Variants in ERN1 observed in about 807,000 individuals in gnomAD.
The protein encoded by ERN1 is endoplasmic reticulum to nucleus signaling 1.
A neutral mutation model predicts 113.1 loss-of-function variants in ERN1; 39 were observed. The ratio of observed to expected loss-of-function variants is 0.34; its 90% CI spans 0.27 to 0.45. The LOEUF (loss-of-function observed/expected upper bound fraction) is 0.45, where lower values mean the gene tolerates loss of function less well. ERN1 is among the 20% of genes least tolerant of loss of function. The probability of loss-of-function intolerance (pLI) is 1.00; values close to 1 mark genes in which losing one functional copy is unlikely to be tolerated. For synonymous variants in ERN1, 507 were observed against 515.9 expected, an observed-to-expected ratio of 0.98 and a Z score of 0.23; for missense variants, 976 against 1,274.8, an observed-to-expected ratio of 0.77 and a Z score of 3.57.
rs192692937 is a variant in ERN1, at chr17:64,077,966, C to T, written c.282+1696G>A. Among the ~76,000 whole-genome samples the T allele has an allele frequency of 2.3e-4, 35 of 152,214 alleles. 1 individual carries two copies. Among genetic ancestry groups the T allele is most frequent in the Admixed American group, 2.0e-4 (3 of 15,296 alleles). ...TTCACCATGGTCTCGATCTCCTGACCTCGTGATCCGCCCACCTTGGCCTCC... is the reference window on the plus strand; with the variant it reads ...TTCACCATGGTCTCGATCTCCTGACTTCGTGATCCGCCCACCTTGGCCTCC... On this transcript the variant is annotated intron_variant, in intron 4 of 21. Coordinates refer to ENST00000433197, the MANE Select transcript of ERN1 (RefSeq NM_001433.5).
In ERN1 at chr17:64,054,554, C is replaced by T; in HGVS notation, c.1764-115G>A. 8.9e-7 allele frequency: 1 copy of T among 1,129,522 alleles called. No individual in the cohort carries two copies. Among genetic ancestry groups the T allele is most frequent in the Non-Finnish European group, 1.3e-6 (1 of 797,042 alleles). 70.0% of individuals were successfully genotyped at this position (1,129,522 alleles called of 1,614,324 possible). ...CTGCCTCCCAGCCTAGAGAGCCCCG[C>T]CTGACTGCCTGGTGGCCCCGGAATC... On this transcript the variant is annotated intron_variant, in intron 14 of 21. Transcript: ENST00000433197. The surrounding 1 kb of genome is among the most constrained non-coding windows in gnomAD (Gnocchi z 4.9).
intron 4 of ERN1, among the ~76,000 whole-genome samples, chr17:64,077,894 C>T (rs1040716304): frequency 2.6e-5 from 4 of 152,062 alleles, no homozygotes; most frequent in Non-Finnish European, 4.4e-5. Flanking sequence ...TATAGGCGCC[C>T]GCCACCGCAC....
chr17:64,046,837 G>A (rs988239779), intron 19 of ERN1, among the ~76,000 whole-genome samples: 4 of 152,246 alleles, frequency 2.6e-5, no homozygotes, highest in Non-Finnish European at 5.9e-5. Flanking sequence ...TCAGAGCCAC[G>A]TGCTGGGCAG....
Position 64,044,754 on chromosome 17 carries a change from T to C in ERN1, c.2721+106A>G. On this transcript the variant is annotated intron_variant, in intron 21 of 21. Transcript: ENST00000433197. This position sits in a 1 kb window ranked among gnomAD's most constrained non-coding sequence, Gnocchi z 4.1. Reference sequence around the variant, plus strand: ...CTGAAGCCGCCTAGCTCCTGAGAGATGAGAATGCCAGTACAGATAAAAGAT... The same window carrying C: ...CTGAAGCCGCCTAGCTCCTGAGAGACGAGAATGCCAGTACAGATAAAAGAT... The C allele has an allele frequency of 2.5e-6, 2 of 792,654 alleles. No individual in the cohort carries two copies. The highest frequency in any genetic ancestry group is 4.2e-6 in the Non-Finnish European group (2 of 477,112). 49.1% of individuals were successfully genotyped at this position (792,654 alleles called of 1,614,324 possible).
chr17:64,057,812 G>C lies in ERN1; in HGVS notation c.1388C>G (p.Thr463Ser), dbSNP rs1476870362. 1 of 1,613,554 alleles carries C rather than the reference G, an allele frequency of 6.2e-7. No individual in the cohort carries two copies. The highest frequency in any genetic ancestry group is 1.3e-5 in the African/African-American group (1 of 74,940). ...LLIGWVAFIITYPLSMHQQQQ... is the reference protein window; with the variant it reads ...LLIGWVAFIISYPLSMHQQQQ... ...ATTGTTGAGCTTTACCAGGGGATAGGTGATGATGAAGGCCACCCAGCCAAT... is the reference window on the plus strand; with the variant it reads ...ATTGTTGAGCTTTACCAGGGGATAGCTGATGATGAAGGCCACCCAGCCAAT... The change falls in exon 12 of 22, where the codon ACC becomes AGC. Residue 463 changes from threonine to serine, a missense_variant. Transcript: ENST00000433197.
At position 64,050,023 on chromosome 17, in the gene ERN1, A is replaced by T. The variant is rs1293705090; in HGVS notation, c.2254-821T>A. Among the ~76,000 whole-genome samples the T allele has an allele frequency of 3.3e-5, 5 of 152,144 alleles. No individual in the cohort carries two copies. The East Asian group carries it at 9.6e-4, about 29-fold the overall frequency. Reference sequence around the variant, plus strand: ...ACACCTTGAACAACACAGCACTCTCATTCAGCCTCACAACAACCTTGTGAG... The same window carrying T: ...ACACCTTGAACAACACAGCACTCTCTTTCAGCCTCACAACAACCTTGTGAG... On this transcript the variant is annotated intron_variant, in intron 17 of 21. Transcript: ENST00000433197.
chr17:64,087,567 T>C (rs537323040), intron 2 of ERN1, among the ~76,000 whole-genome samples: 1 of 152,290 alleles, frequency 6.6e-6, no homozygotes, highest in South Asian at 2.1e-4. Flanking sequence ...TTGGCCCTTT[T>C]GAAAAGTATT....
At chr17:64,072,926 T>G (rs1442639061) in intron 5 of ERN1, among the ~76,000 whole-genome samples, 1 of 152,116 alleles carries the variant, frequency 6.6e-6, no homozygotes, top group African/African-American at 2.4e-5. Flanking sequence ...CTTCCTAACT[T>G]ATTGGAAAAG....
chr17:64,062,087 G>A (rs1256637836), intron 10 of ERN1, among the ~76,000 whole-genome samples: 1 of 152,206 alleles, frequency 6.6e-6, no homozygotes, highest in African/African-American at 2.4e-5. Flanking sequence ...AATATTACCT[G>A]GTCTCCTTGA....
intron 2 of ERN1, chr17:64,097,784 C>G (rs1376973591): frequency 9.5e-6 from 2 of 210,388 alleles, no homozygotes; most frequent in Admixed American, 5.2e-5. Flanking sequence ...TTACAAGATT[C>G]TAATCATGAG....
rs201714771 is a variant in ERN1 at position 64,060,488 on chromosome 17, T to C, written c.1187A>G (p.Glu396Gly). 1 of 1,613,448 alleles carries C rather than the reference T, an allele frequency of 6.2e-7. No individual in the cohort carries two copies. Among genetic ancestry groups the C allele is most frequent in the South Asian group, 1.1e-5 (1 of 91,076 alleles). ...HRENVIPADS[E>G]KKSFEEVINL... The stretch of plus-strand genomic sequence containing the variant: ...ACTCACTTCCTCAAAGCTCTTTTTC[T>C]CTGAATCAGCAGGAATCACATTTTC... The change falls in exon 11 of 22, where the codon GAG (glutamate) becomes GGG (glycine). Residue 396 changes from glutamate (E) to glycine (G), a missense_variant. By Grantham distance (98) the Glu-to-Gly change is moderately conservative. This residue lies in a region of ERN1 where 459 missense variants were observed against 581.2 expected (regional missense o/e 0.79). Transcript: ENST00000433197.
At chr17:64,109,808 C>CT (rs1567884398) in intron 1 of ERN1, among the ~76,000 whole-genome samples, 3 of 152,274 alleles carry the variant, frequency 2.0e-5, no homozygotes, top group Admixed American at 1.3e-4. Flanking sequence ...CCGTCTAGCC[C>CT]TTTTGCCCAC....
chr17:64,090,244 A>G (rs190509101), intron 2 of ERN1, among the ~76,000 whole-genome samples: 2 of 152,206 alleles, frequency 1.3e-5, no homozygotes, highest in Non-Finnish European at 2.9e-5. Flanking sequence ...AAAGGATGTA[A>G]TAAGTTTTCT....
chr17:64,057,931 C>T lies in ERN1; in HGVS notation c.1269G>A (p.Glu423=), dbSNP rs747778244. 1.1e-5 allele frequency: 18 copies of T among 1,609,586 alleles called. No individual in the cohort carries two copies. The East Asian group carries it at 3.4e-4, about 30-fold the overall frequency. ...NAPTTVSRDV[E]EKPAHAPARP... Reference sequence around the variant, plus strand: ...GGGCAGGGGCATGGGCGGGCTTCTCCTCCACATCCCGAGACACGGTGGTAG... The same window carrying T: ...GGGCAGGGGCATGGGCGGGCTTCTCTTCCACATCCCGAGACACGGTGGTAG... The change falls in exon 12 of 22, where the codon GAG becomes GAA. Residue 423 remains glutamate, a synonymous_variant. Transcript: ENST00000433197.
intron 2 of ERN1, among the ~76,000 whole-genome samples, chr17:64,091,524 T>A (rs751446836): frequency 7.2e-5 from 11 of 152,070 alleles, no homozygotes; most frequent in Non-Finnish European, 1.6e-4. Flanking sequence ...AAGCCAGAAG[T>A]GCCACAACAG....
chr17:64,075,258 AAAAAAAAAG>A lies in ERN1; in HGVS notation c.283-20_283-12del. 3 of 1,490,890 alleles carry A rather than the reference AAAAAAAAAG, an allele frequency of 2.0e-6. No individual in the cohort carries two copies. Among genetic ancestry groups the A allele is most frequent in the Non-Finnish European group, 2.7e-6 (3 of 1,126,528 alleles). 92.4% of individuals were successfully genotyped at this position (1,490,890 alleles called of 1,614,324 possible). A position where few individuals can be genotyped will look rare whatever the true frequency, so the allele number is the denominator to read the frequency against. ...GGTAAAAGGAAGTTTCTTTAAAAAA[AAAAAAAAAG>A]AAAAAAAAAAGTTAACCAAGTCTTG... is the stretch of plus-strand genomic sequence containing the variant. On this transcript the variant is annotated splice_polypyrimidine_tract_variant and intron_variant, in intron 4 of 21. Transcript: ENST00000433197.
At chr17:64,079,578 G>T in intron 4 of ERN1, 84 bp downstream of exon 4, 1 of 1,098,284 alleles carries the variant, frequency 9.1e-7, no homozygotes, top group Non-Finnish European at 1.4e-6. Flanking sequence ...CCAGGTGGGA[G>T]ACACAGTAAG....
intron 1 of ERN1, among the ~76,000 whole-genome samples, chr17:64,105,565 G>GT (rs1179577813): frequency 6.6e-6 from 1 of 152,060 alleles, no homozygotes; most frequent in African/African-American, 2.4e-5. Flanking sequence ...TCAGAGGCTG[G>GT]TTTTTTCTCT....
intron 20 of ERN1, 133 bp downstream of exon 20, chr17:64,045,226 C>T: frequency 9.8e-7 from 1 of 1,023,322 alleles, no homozygotes; most frequent in Admixed American, 2.1e-5. Context: ...GAGGACACAC[C>T]CAAGAAAGTC....
Sources: allele counts gnomAD v4.1 joint callset (sites outside exome capture counted in the v4.1 genomes callset), GRCh38; gene constraint gnomAD v4.1.1; regional missense constraint gnomAD v4.1.1; non-coding constraint Gnocchi (gnomAD v3.1); transcripts MANE v1.5; gene names NCBI Gene and HGNC (gene_info 2026-07-23, HGNC 2026-07-21).